The following B3GAT2 variants were observed in gnomAD, a reference collection of about 807,000 sequenced individuals.
B3GAT2 encodes the protein beta-1,3-glucuronyltransferase 2.
A neutral mutation model predicts 27.8 loss-of-function variants in B3GAT2; 26 were observed. That is an observed-to-expected ratio of 0.93 (90% CI 0.68 to 1.30). The LOEUF is 1.30. B3GAT2 is among the 50% of genes most tolerant of loss of function. The pLI, the probability that B3GAT2 is intolerant of heterozygous loss-of-function variation, is 0.00. For missense variants in B3GAT2, 458 were observed against 459.0 expected, an observed-to-expected ratio of 1.00 and a Z score of 0.02; for synonymous variants, 218 against 195.1, an observed-to-expected ratio of 1.12 and a Z score of -0.98.
At chr6:70,946,928 T>C (rs1433030971) in intron 1 of B3GAT2, among the ~76,000 whole-genome samples, 4 of 151,804 alleles carry the variant, frequency 2.6e-5, no homozygotes, top group Non-Finnish European at 4.4e-5. Context: ...TTAAGAAACT[T>C]ACTCAAAACT....
At chr6:70,923,993 A>G (rs977912349) in intron 1 of B3GAT2, among the ~76,000 whole-genome samples, 3 of 152,172 alleles carry the variant, frequency 2.0e-5, no homozygotes, top group Non-Finnish European at 4.4e-5. Context: ...AACTTATTAA[A>G]ACTTAACAGG....
At chr6:70,924,604 C>A (rs937127767) in intron 1 of B3GAT2, among the ~76,000 whole-genome samples, 2 of 152,130 alleles carry the variant, frequency 1.3e-5, no homozygotes, top group Non-Finnish European at 2.9e-5. Flanking sequence ...AAACCCTATG[C>A]AACCACCCTT....
chr6:70,945,154 A>G (rs1765458331), intron 1 of B3GAT2, among the ~76,000 whole-genome samples: 1 of 152,170 alleles, frequency 6.6e-6, no homozygotes, highest in Admixed American at 6.5e-5. Flanking sequence ...GAAACTCTAA[A>G]AAGCAGAGCA....
intron 1 of B3GAT2, among the ~76,000 whole-genome samples, chr6:70,904,767 G>C (rs1235226985): frequency 1.3e-5 from 2 of 152,190 alleles, no homozygotes; most frequent in Non-Finnish European, 2.9e-5. Context: ...GGGGGTGTGT[G>C]TAGCTATTCT....
At chr6:70,880,810 C>A (rs527603837) in intron 2 of B3GAT2, among the ~76,000 whole-genome samples, 118 of 152,128 alleles carry the variant, frequency 7.8e-4, no homozygotes, top group Non-Finnish European at 1.4e-3. Flanking sequence ...GGATCACAGG[C>A]GTGCACCACC....
intron 2 of B3GAT2, among the ~76,000 whole-genome samples, chr6:70,878,056 A>G (rs543055012): frequency 6.6e-6 from 1 of 152,354 alleles, no homozygotes; most frequent in African/African-American, 2.4e-5. Context: ...CTTTGAGCCT[A>G]TACAAGCACT....
At chr6:70,949,259 T>A (rs1765540271) in intron 1 of B3GAT2, among the ~76,000 whole-genome samples, 1 of 151,730 alleles carries the variant, frequency 6.6e-6, no homozygotes, top group South Asian at 2.1e-4. Flanking sequence ...ACCATCAGAG[T>A]GAACAGGCAA....
At chr6:70,876,539 T>C (rs1011516333) in intron 2 of B3GAT2, among the ~76,000 whole-genome samples, 4 of 152,226 alleles carry the variant, frequency 2.6e-5, no homozygotes, top group Admixed American at 2.6e-4. Flanking sequence ...CAGATAGCTA[T>C]CATCTTATAC....
intron 1 of B3GAT2, among the ~76,000 whole-genome samples, chr6:70,909,520 A>G (rs1478888052): frequency 6.6e-6 from 1 of 152,178 alleles, no homozygotes; most frequent in Non-Finnish European, 1.5e-5. Flanking sequence ...GTAACTCTGG[A>G]TGTATTACTT....
intron 2 of B3GAT2, among the ~76,000 whole-genome samples, chr6:70,882,774 T>C (rs1772118593): frequency 6.6e-6 from 1 of 152,274 alleles, no homozygotes; most frequent in Non-Finnish European, 1.5e-5. Flanking sequence ...GGAGAATGCA[T>C]GCCGCAGAGG....
intron 2 of B3GAT2, among the ~76,000 whole-genome samples, 192 bp from the exon 3 acceptor site, chr6:70,862,170 C>T (rs1771765253): frequency 6.6e-6 from 1 of 152,200 alleles, no homozygotes; most frequent in South Asian, 2.1e-4. Context: ...CAATATTTTA[C>T]ATTCCGTGTA....
At chr6:70,931,629 A>AC (rs1456727309) in intron 1 of B3GAT2, among the ~76,000 whole-genome samples, 1 of 152,156 alleles carries the variant, frequency 6.6e-6, no homozygotes, top group Non-Finnish European at 1.5e-5. Flanking sequence ...TGGGAAAAAA[A>AC]CTGGATATTC....
Position 70,883,833 on chromosome 6 carries a change from T to C in B3GAT2, c.736+10295A>G, listed in dbSNP as rs184734293. The stretch of plus-strand genomic sequence containing the variant: ...TGCTGGTGTTTTTCAGTTATTATGA[T>C]TAAAATATTCCTGTCCTATGCTCAA... On this transcript the variant is annotated intron_variant, in intron 2 of 3. Coordinates refer to ENST00000230053, the MANE Select transcript of B3GAT2 (RefSeq NM_080742.3). Among the ~76,000 whole-genome samples the C allele has an allele frequency of 1.6e-4, 24 of 152,300 alleles. No individual in the cohort carries two copies. In the East Asian group the frequency reaches 2.9e-3, roughly 18 times the overall value.
chr6:70,914,782 A>G (rs755571764), intron 1 of B3GAT2, among the ~76,000 whole-genome samples: 1 of 151,828 alleles, frequency 6.6e-6, no homozygotes, highest in Non-Finnish European at 1.5e-5. Flanking sequence ...CCAGACATAG[A>G]ATACTATATA....
At chr6:70,952,623 T>C (rs1765595204) in intron 1 of B3GAT2, among the ~76,000 whole-genome samples, 1 of 152,142 alleles carries the variant, frequency 6.6e-6, no homozygotes, top group African/African-American at 2.4e-5. Context: ...TTACCTGTGA[T>C]CCACAGTGCA....
chr6:70,886,182 T>C (rs753407093), intron 2 of B3GAT2, among the ~76,000 whole-genome samples: 1 of 152,218 alleles, frequency 6.6e-6, no homozygotes, highest in Non-Finnish European at 1.5e-5. Context: ...GACTTGGCTG[T>C]AGGTGGGTGA....
intron 1 of B3GAT2, among the ~76,000 whole-genome samples, chr6:70,906,880 A>C (rs1772610319): frequency 6.6e-6 from 1 of 152,214 alleles, no homozygotes; most frequent in Admixed American, 6.5e-5. Flanking sequence ...AACTGAACAA[A>C]GGTGAGTGAA....
intron 1 of B3GAT2, among the ~76,000 whole-genome samples, chr6:70,929,771 G>A (rs1446140087): frequency 6.6e-6 from 1 of 152,108 alleles, no homozygotes; most frequent in African/African-American, 2.4e-5. Context: ...TACTGCCCAA[G>A]GTAATTTATA....
rs2150015580 is a variant in B3GAT2, at chr6:70,858,579, T to G, written c.*3084A>C. On this transcript the variant is annotated 3_prime_UTR_variant, in exon 4 of 4. Coordinates refer to ENST00000230053, the MANE Select transcript of B3GAT2 (RefSeq NM_080742.3). Reference sequence around the variant, plus strand: ...CCTCTGAGATTAGCACTAAGCTTTATCCAGCTTGCTGGTGGGACATTTTTA... The same window carrying G: ...CCTCTGAGATTAGCACTAAGCTTTAGCCAGCTTGCTGGTGGGACATTTTTA... 1 of 168,696 alleles carries G rather than the reference T, an allele frequency of 5.9e-6. No individual in the cohort carries two copies. Among genetic ancestry groups the G allele is most frequent in the South Asian group, 1.7e-4 (1 of 5,982 alleles). 10.4% of individuals were successfully genotyped at this position (168,696 alleles called of 1,614,324 possible).
Sources: gnomAD v4.1 joint callset for allele counts (sites outside exome capture counted in the v4.1 genomes callset) on GRCh38, gnomAD v4.1.1 for gene constraint, MANE v1.5 for transcripts, NCBI Gene and HGNC (gene_info 2026-07-23, HGNC 2026-07-21) for gene names.